Variants in GPHN observed in about 807,000 individuals in gnomAD.
GPHN encodes the protein gephyrin.
A neutral mutation model predicts 95.5 loss-of-function variants in GPHN; 17 were observed. That is an observed-to-expected ratio of 0.18 (90% CI 0.12 to 0.27). The LOEUF (loss-of-function observed/expected upper bound fraction) is 0.27, where lower values mean the gene tolerates loss of function less well. Ranked by LOEUF, GPHN falls within the 10% of genes least tolerant of loss-of-function variation. The pLI, the probability that GPHN is intolerant of heterozygous loss-of-function variation, is 1.00. For synonymous variants in GPHN, 320 were observed against 322.5 expected, an observed-to-expected ratio of 0.99 and a Z score of 0.08; for missense variants, 660 against 978.1, an observed-to-expected ratio of 0.67 and a Z score of 4.34.
intron 20 of GPHN, among the ~76,000 whole-genome samples, chr14:67,166,575 T>C (rs2082289607): frequency 6.6e-6 from 1 of 152,236 alleles, no homozygotes; most frequent in South Asian, 2.1e-4. Context: ...GTTCAGATTG[T>C]AGAATGTGCA....
At chr14:66,607,420 G>T (rs189092693) in intron 1 of GPHN, among the ~76,000 whole-genome samples, 2 of 150,858 alleles carry the variant, frequency 1.3e-5, no homozygotes, top group African/African-American at 2.4e-5. Flanking sequence ...TTAGGGTTTT[G>T]TGTTTGTGTT....
intron 2 of GPHN, among the ~76,000 whole-genome samples, chr14:66,709,794 CA>C (rs1166315486): frequency 6.6e-6 from 1 of 151,634 alleles, no homozygotes; most frequent in African/African-American, 2.4e-5. Flanking sequence ...GATATACATC[CA>C]AAAAAAGGAC....
the GPHN span, among the ~76,000 whole-genome samples, chr14:67,597,618 T>C: frequency 2.0e-5 from 3 of 152,190 alleles, no homozygotes; most frequent in African/African-American, 7.2e-5. Context: ...AGTTAATTAA[T>C]TGCATTGAAT....
chr14:67,356,266 C>A, the GPHN span, among the ~76,000 whole-genome samples: 1 of 151,686 alleles, frequency 6.6e-6, no homozygotes, highest in African/African-American at 2.4e-5. Context: ...CCAAAAAATA[C>A]AAAAATTAGC....
intron 1 of GPHN, among the ~76,000 whole-genome samples, chr14:66,539,966 T>C (rs899870421): frequency 1.3e-5 from 2 of 152,242 alleles, no homozygotes; most frequent in African/African-American, 4.8e-5. Context: ...AAATAACTGC[T>C]GTCCTTAAAG....
the GPHN span, chr14:67,199,140 C>T: frequency 6.7e-7 from 1 of 1,499,418 alleles, no homozygotes; most frequent in Non-Finnish European, 9.3e-7. Flanking sequence ...GGTTAGTGAA[C>T]CGCTACTGTG....
chr14:67,403,444 T>C, the GPHN span, among the ~76,000 whole-genome samples: 4 of 152,228 alleles, frequency 2.6e-5, no homozygotes, highest in Non-Finnish European at 5.9e-5. Context: ...CCTAGTACTG[T>C]GGGTGTTTTT....
the GPHN span, among the ~76,000 whole-genome samples, chr14:67,351,851 G>T: frequency 2.5e-4 from 36 of 144,476 alleles, no homozygotes; most frequent in African/African-American, 9.6e-4. Context: ...AAAAGAAAAG[G>T]CGTGGAAAAA....
the GPHN span, among the ~76,000 whole-genome samples, chr14:67,535,138 G>T: frequency 1.3e-5 from 2 of 152,174 alleles, no homozygotes; most frequent in Admixed American, 1.3e-4. Flanking sequence ...TTGGGTGGGT[G>T]TGTGAATGCC....
chr14:67,419,129 T>C, the GPHN span, among the ~76,000 whole-genome samples: 53,183 of 151,706 alleles, frequency 0.35, 13,311 homozygotes, highest in African/African-American at 0.69. Flanking sequence ...AAGAGCCCCT[T>C]CCCTCGCCTC....
the GPHN span, among the ~76,000 whole-genome samples, chr14:67,663,875 A>G: frequency 6.6e-6 from 1 of 152,180 alleles, no homozygotes; most frequent in South Asian, 2.1e-4. Context: ...GTAAACTTAG[A>G]TAATTTCCTT....
intron 18 of GPHN, among the ~76,000 whole-genome samples, chr14:67,147,702 A>G (rs2080982097): frequency 1.3e-5 from 2 of 152,196 alleles, no homozygotes; most frequent in Admixed American, 1.3e-4. Flanking sequence ...ATGCCAGCCT[A>G]GAAGTTTTAA....
At chr14:67,394,610 G>A in the GPHN span, among the ~76,000 whole-genome samples, 5 of 151,980 alleles carry the variant, frequency 3.3e-5, no homozygotes, top group Non-Finnish European at 5.9e-5. Context: ...GGGAGTTTTT[G>A]TGAGCCCAGG....
chr14:67,478,862 C>T, the GPHN span, among the ~76,000 whole-genome samples: 2 of 152,172 alleles, frequency 1.3e-5, no homozygotes, highest in African/African-American at 2.4e-5. Context: ...CATCTGAACG[C>T]CAGCACCAGC....
chr14:66,621,443 G>A (rs1048657800), intron 1 of GPHN, among the ~76,000 whole-genome samples: 2 of 108,116 alleles, frequency 1.8e-5, no homozygotes, highest in African/African-American at 7.6e-5. Context: ...TTTTTTTTTT[G>A]AGACAGAGTC....
At chr14:67,515,913 A>G in the GPHN span, among the ~76,000 whole-genome samples, 3 of 152,264 alleles carry the variant, frequency 2.0e-5, no homozygotes, top group Non-Finnish European at 2.9e-5. Context: ...ACTGAGGCCT[A>G]TGGAAGTTAA....
In GPHN at chr14:66,932,456, T is replaced by TTTG. The variant is rs1555444714; in HGVS notation, c.828+8166_828+8167insGTT. Among the ~76,000 whole-genome samples, 123 of 124,128 alleles carry TTTG rather than the reference T, an allele frequency of 9.9e-4. 5 individuals are homozygous for TTTG. The highest frequency in any genetic ancestry group is 1.6e-3 in the Non-Finnish European group (93 of 58,940). The allele number at this position is 124,128 out of a possible 152,430, so 81.4% of individuals were successfully genotyped here. Reference sequence around the variant, plus strand: ...CTGCCAAGACCAGGTTTTTTTTTTTTTTTTTTTTTTTTTTTTTTTTTTTTC... The same window carrying TTTG: ...CTGCCAAGACCAGGTTTTTTTTTTTTTTGTTTTTTTTTTTTTTTTTTTTTTTTC... On this transcript the variant is annotated intron_variant, in intron 8 of 22. Transcript: ENST00000478722.
intron 1 of GPHN, among the ~76,000 whole-genome samples, chr14:66,531,694 A>G (rs952423915): frequency 1.2e-4 from 19 of 152,198 alleles, no homozygotes; most frequent in Admixed American, 1.0e-3. Flanking sequence ...AGCTCAACTC[A>G]ATATGTAGTG....
At chr14:67,449,886 G>C in the GPHN span, 1 of 152,222 alleles carries the variant, frequency 6.6e-6, no homozygotes. Flanking sequence ...GATTTCAGGG[G>C]TTTGAGACCA....
Sources: allele counts gnomAD v4.1 joint callset (sites outside exome capture counted in the v4.1 genomes callset), GRCh38; gene constraint gnomAD v4.1.1; transcripts MANE v1.5; gene names NCBI Gene and HGNC (gene_info 2026-07-23, HGNC 2026-07-21).